MAGI3: variants seen among roughly 807,000 people sequenced by gnomAD.
MAGI3 encodes the protein membrane-associated guanylate kinase, WW and PDZ domain-containing protein 3.
A neutral mutation model predicts 121.8 loss-of-function variants in MAGI3; 43 were observed. The ratio of observed to expected loss-of-function variants is 0.35; its 90% CI spans 0.28 to 0.46. MAGI3 has a LOEUF of 0.46. MAGI3 is among the 20% of genes least tolerant of loss of function. The pLI is 1.00. For missense variants in MAGI3, 1,547 were observed against 1,797.3 expected (o/e 0.86, Z 2.52); for synonymous variants, 553 against 639.3 (o/e 0.86, Z 2.04).
At chr1:113,504,830 A>G (rs1446761643) in intron 1 of MAGI3, among the ~76,000 whole-genome samples, 1 of 152,156 alleles carries the variant, frequency 6.6e-6, no homozygotes, top group African/African-American at 2.4e-5. Context: ...TAAATAAATT[A>G]TAGTATATTG....
At chr1:113,459,346 C>T (rs1435848058) in intron 1 of MAGI3, among the ~76,000 whole-genome samples, 7 of 152,270 alleles carry the variant, frequency 4.6e-5, no homozygotes, top group Middle Eastern at 3.4e-3. Flanking sequence ...ATTTGTCTAC[C>T]TATGAACTTC....
chr1:113,629,913 A>G (rs1196108265), intron 9 of MAGI3, among the ~76,000 whole-genome samples: 1 of 151,352 alleles, frequency 6.6e-6, no homozygotes, highest in Admixed American at 6.6e-5. Flanking sequence ...CCAGCACAGC[A>G]CTGGATCTTG....
intron 7 of MAGI3, among the ~76,000 whole-genome samples, chr1:113,614,936 A>T (rs1650366196): frequency 6.6e-6 from 1 of 152,164 alleles, no homozygotes; most frequent in Non-Finnish European, 1.5e-5. Flanking sequence ...CTAAAGAGAA[A>T]GTCAGTTGAT....
intron 1 of MAGI3, among the ~76,000 whole-genome samples, chr1:113,417,669 T>TACA (rs1652525008): frequency 6.6e-6 from 1 of 152,180 alleles, no homozygotes; most frequent in African/African-American, 2.4e-5. Flanking sequence ...ATCTCTGTGT[T>TACA]GGGCTATGTA....
chr1:113,664,984 T>C (rs1052781103), intron 16 of MAGI3, among the ~76,000 whole-genome samples: 7 of 152,190 alleles, frequency 4.6e-5, no homozygotes, highest in African/African-American at 1.7e-4. Flanking sequence ...ACAGAAATTC[T>C]TAATTTAGAT....
At chr1:113,536,332 A>G (rs962894542) in intron 1 of MAGI3, among the ~76,000 whole-genome samples, 4 of 152,188 alleles carry the variant, frequency 2.6e-5, no homozygotes, top group African/African-American at 9.7e-5. Context: ...GGAATGAGTC[A>G]TCTAATACAG....
At chr1:113,445,344 A>G (rs529758725) in intron 1 of MAGI3, among the ~76,000 whole-genome samples, 1 of 152,250 alleles carries the variant, frequency 6.6e-6, no homozygotes, top group Admixed American at 6.5e-5. Context: ...GTTTGTGCCT[A>G]CAGTCCCAGC....
At chr1:113,638,901 C>T (rs1021466304) in intron 9 of MAGI3, among the ~76,000 whole-genome samples, 25 of 152,334 alleles carry the variant, frequency 1.6e-4, no homozygotes, top group East Asian at 1.9e-4. Flanking sequence ...TCGAGCTTCC[C>T]GGCTGCTTTG....
At chr1:113,495,274 A>G (rs565129748) in intron 1 of MAGI3, among the ~76,000 whole-genome samples, 3 of 152,240 alleles carry the variant, frequency 2.0e-5, no homozygotes, top group East Asian at 3.9e-4. Flanking sequence ...CAATAAGCAC[A>G]TATACTGTTA....
intron 20 of MAGI3, chr1:113,682,193 T>C (rs768359298): frequency 1.9e-6 from 3 of 1,600,118 alleles, no homozygotes; most frequent in Non-Finnish European, 1.7e-6. Context: ...GTCCTAGGCT[T>C]TTTCTCTTCC....
intron 1 of MAGI3, among the ~76,000 whole-genome samples, chr1:113,475,668 G>A (rs999380371): frequency 1.3e-5 from 2 of 151,866 alleles, no homozygotes; most frequent in African/African-American, 4.8e-5. Context: ...ATCAATACAG[G>A]GATATTGGTC....
chr1:113,492,385 A>G (rs762810270), intron 1 of MAGI3, among the ~76,000 whole-genome samples: 2 of 152,236 alleles, frequency 1.3e-5, no homozygotes, highest in Non-Finnish European at 2.9e-5. Flanking sequence ...AGTGAGAGCC[A>G]TCTATGACAA....
At chr1:113,444,727 T>C (rs887808137) in intron 1 of MAGI3, among the ~76,000 whole-genome samples, 8 of 152,168 alleles carry the variant, frequency 5.3e-5, no homozygotes, top group Admixed American at 2.6e-4. Context: ...AAAGTATGGC[T>C]CATTCCAAGG....
At chr1:113,678,277 G>T (rs1290654172) in intron 19 of MAGI3, among the ~76,000 whole-genome samples, 2 of 152,086 alleles carry the variant, frequency 1.3e-5, no homozygotes, top group Non-Finnish European at 2.9e-5. Flanking sequence ...TTCTTTATCA[G>T]CAAGATTATA....
At chr1:113,503,484 G>A (rs899598130) in intron 1 of MAGI3, among the ~76,000 whole-genome samples, 2 of 151,632 alleles carry the variant, frequency 1.3e-5, no homozygotes, top group African/African-American at 4.8e-5. Context: ...TCCCTAAAAT[G>A]GATCTTGAGT....
rs199741094 is a variant in MAGI3 at position 113,646,621 on chromosome 1, A to C, written c.2134A>C (p.Lys712Gln). 6.3e-7 allele frequency: 1 copy of C among 1,598,954 alleles called. No homozygotes were observed. Among genetic ancestry groups the C allele is most frequent in the African/African-American group, 1.3e-5 (1 of 74,156 alleles). ...LDPSEVYLKS[K>Q]TLYEDKPPNT... ...TCCTTCTGAGGTCTACCTGAAATCTAAGACTTTATATGAAGATAAACGTAA... is the reference window on the plus strand; with the variant it reads ...TCCTTCTGAGGTCTACCTGAAATCTCAGACTTTATATGAAGATAAACGTAA... Residue 712 changes from lysine to glutamine, a missense_variant, in exon 12 of 21, where the codon AAG (lysine) becomes CAG (glutamine). By Grantham distance (53) the Lys-to-Gln change is moderately conservative (BLOSUM62 1). Transcript: ENST00000307546.
At chr1:113,443,597 G>A (rs559373849) in intron 1 of MAGI3, among the ~76,000 whole-genome samples, 7 of 152,058 alleles carry the variant, frequency 4.6e-5, no homozygotes, top group Admixed American at 3.3e-4. Flanking sequence ...CCAATGATTC[G>A]TTACTTACCC....
chr1:113,599,691 A>C (rs1242365286), intron 6 of MAGI3, among the ~76,000 whole-genome samples: 5 of 151,552 alleles, frequency 3.3e-5, no homozygotes, highest in Non-Finnish European at 7.4e-5. Flanking sequence ...AATCAATAGA[A>C]AAAGAGGGAA....
chr1:113,567,860 G>C (rs1660496839), intron 2 of MAGI3, among the ~76,000 whole-genome samples: 1 of 152,028 alleles, frequency 6.6e-6, no homozygotes, highest in African/African-American at 2.4e-5. Flanking sequence ...ATTCTAGCCA[G>C]AGTAATAAGA....
Sources: gnomAD v4.1 joint callset for allele counts (sites outside exome capture counted in the v4.1 genomes callset) on GRCh38, gnomAD v4.1.1 for gene constraint, MANE v1.5 for transcripts, NCBI Gene and HGNC (gene_info 2026-07-23, HGNC 2026-07-21) for gene names.